Variants in DNAH11 observed in about 807,000 individuals in gnomAD.
The protein encoded by DNAH11 is axonemal beta dynein heavy chain 11.
Under a neutral mutation model 526.0 loss-of-function variants are expected in DNAH11, and 442 were observed. The observed-to-expected ratio is 0.84, with a 90% CI of 0.78 to 0.91. DNAH11 has a LOEUF of 0.91. Among genes scored for constraint, DNAH11 ranks in the 40% least tolerant of loss-of-function variants. The pLI, the probability that DNAH11 is intolerant of heterozygous loss-of-function variation, is 0.00. For missense variants in DNAH11, 6,989 were observed against 5,448.7 expected, an observed-to-expected ratio of 1.28 and a Z score of -8.90; for synonymous variants, 2,461 against 1,935.9, an observed-to-expected ratio of 1.27 and a Z score of -7.12.
chr7:21,733,287 C>T (rs1032437232), intron 45 of DNAH11, among the ~76,000 whole-genome samples: 2 of 152,158 alleles, frequency 1.3e-5, no homozygotes, highest in Non-Finnish European at 2.9e-5. Context: ...ACTTGGGAGG[C>T]TGAAGCAGGA....
At chr7:21,594,319 T>G (rs1316373412) in intron 14 of DNAH11, among the ~76,000 whole-genome samples, 2 of 152,206 alleles carry the variant, frequency 1.3e-5, no homozygotes, top group Non-Finnish European at 2.9e-5. Flanking sequence ...CAGTCCATCA[T>G]CATTCACTTA....
chr7:21,546,774 T>C (rs80074087), intron 2 of DNAH11, among the ~76,000 whole-genome samples: 7,743 of 152,232 alleles, frequency 0.051, 652 homozygotes, highest in African/African-American at 0.18. Context: ...GAAAATGTCA[T>C]TTGGTTCTTC....
chr7:21,561,050 TC>T lies in DNAH11; in HGVS notation c.883-20del. 7.2e-6 allele frequency: 11 copies of T among 1,517,282 alleles called. No individual in the cohort carries two copies. The highest frequency in any genetic ancestry group is 9.0e-6 in the Non-Finnish European group (10 of 1,114,518). 94.0% of individuals were successfully genotyped at this position (1,517,282 alleles called of 1,614,324 possible). A position where few individuals can be genotyped will look rare whatever the true frequency, so the allele number is the denominator to read the frequency against. ...TCGAGTTTATATTTATTAAAGTTCT[TC>T]TTTTTTTCCTTTAACTTAGCTTCAG... On this transcript the variant is annotated intron_variant, in intron 4 of 81. Coordinates refer to ENST00000409508, the MANE Select transcript of DNAH11 (RefSeq NM_001277115.2).
intron 52 of DNAH11, among the ~76,000 whole-genome samples, chr7:21,749,357 T>A (rs572289022): frequency 5.6e-4 from 85 of 152,354 alleles, no homozygotes; most frequent in Middle Eastern, 3.4e-3. Context: ...AGGCTTCTTT[T>A]TACGGCCCTG....
intron 69 of DNAH11, among the ~76,000 whole-genome samples, chr7:21,862,410 C>T (rs1010161384): frequency 6.6e-6 from 1 of 151,976 alleles, no homozygotes. Context: ...GGGCTCCTTA[C>T]AAAACAGCGA....
At chr7:21,831,656 T>G (rs1304794177) in intron 65 of DNAH11, among the ~76,000 whole-genome samples, 1 of 152,132 alleles carries the variant, frequency 6.6e-6, no homozygotes, top group Non-Finnish European at 1.5e-5. Flanking sequence ...CCCAAGCAGA[T>G]ACATTTCTGC....
chr7:21,811,836 T>G (rs1334077631), intron 63 of DNAH11, among the ~76,000 whole-genome samples: 1 of 152,158 alleles, frequency 6.6e-6, no homozygotes. Context: ...ATGTAGACAA[T>G]CATAATCAAA....
chr7:21,625,108 A>G (rs1194031255), intron 25 of DNAH11, among the ~76,000 whole-genome samples: 2 of 151,990 alleles, frequency 1.3e-5, no homozygotes, highest in Non-Finnish European at 2.9e-5. Flanking sequence ...GAGAAGGGTT[A>G]GTATTAGTTC....
chr7:21,655,734 C>G lies in DNAH11; in HGVS notation c.4945-98C>G, dbSNP rs913982208. ...AAAACATTTTGAGACAACTCTAACTCCATAACGTTTCATGACTTCATATGG... is the reference window on the plus strand; with the variant it reads ...AAAACATTTTGAGACAACTCTAACTGCATAACGTTTCATGACTTCATATGG... On this transcript the variant is annotated intron_variant, in intron 28 of 81. Coordinates refer to ENST00000409508, the MANE Select transcript of DNAH11 (RefSeq NM_001277115.2). The G allele has an allele frequency of 4.8e-6, 6 of 1,238,874 alleles. No homozygotes were observed. The African/African-American group carries it at 9.1e-5, about 19-fold the overall frequency. The allele number at this position is 1,238,874 out of a possible 1,614,324, so 76.7% of individuals were successfully genotyped here.
rs751779702 is a variant in DNAH11, at chr7:21,698,152, G to T, written c.6119G>T (p.Arg2040Leu). Residue 2040 changes from arginine to leucine, a missense_variant, in exon 36 of 82, where the codon CGT becomes CTT. Physicochemically the swap from Arg to Leu is moderately radical, Grantham distance 102 (BLOSUM62 -2). Transcript: ENST00000409508. ...GTTGCTGAAGGTTTTGTGGATGCGC[G>T]TGCATTAGCCCGAAAGTTCATTACG... ...LLVAEGFVDA[R>L]ALARKFITLY... 1.9e-6 allele frequency: 3 copies of T among 1,613,612 alleles called. No homozygotes were observed. The highest frequency in any genetic ancestry group is 8.5e-7 in the Non-Finnish European group (1 of 1,179,710).
At chr7:21,834,805 A>G (rs1376166211) in intron 65 of DNAH11, among the ~76,000 whole-genome samples, 1 of 152,146 alleles carries the variant, frequency 6.6e-6, no homozygotes, top group African/African-American at 2.4e-5. Flanking sequence ...TGATCACACC[A>G]CTGCATACCA....
intron 74 of DNAH11, among the ~76,000 whole-genome samples, chr7:21,876,898 A>G (rs1783735374): frequency 6.6e-6 from 1 of 152,212 alleles, no homozygotes; most frequent in Non-Finnish European, 1.5e-5. Context: ...GGAAAAGTGA[A>G]TTTATCTTAA....
At chr7:21,733,690 G>C (rs918003324) in intron 45 of DNAH11, among the ~76,000 whole-genome samples, 5 of 152,266 alleles carry the variant, frequency 3.3e-5, no homozygotes, top group Admixed American at 3.3e-4. Flanking sequence ...TTAATTAACA[G>C]CATCTTAATA....
intron 66 of DNAH11, among the ~76,000 whole-genome samples, chr7:21,848,173 A>AAAAAAAAAAG (rs1554288202): frequency 5.9e-5 from 9 of 151,266 alleles, no homozygotes; most frequent in African/African-American, 2.2e-4. Flanking sequence ...TTTCAAAAAA[A>AAAAAAAAAAG]AAAAAAAAAA....
At chr7:21,859,270 T>C (rs937984556) in intron 68 of DNAH11, among the ~76,000 whole-genome samples, 2 of 152,090 alleles carry the variant, frequency 1.3e-5, no homozygotes, top group African/African-American at 4.8e-5. Flanking sequence ...CCCACCACCA[T>C]GCCTGGCTAA....
At chr7:21,603,666 G>A (rs1188139710) in intron 18 of DNAH11, among the ~76,000 whole-genome samples, 2 of 152,154 alleles carry the variant, frequency 1.3e-5, no homozygotes, top group Admixed American at 6.6e-5. Flanking sequence ...TAGACATGGA[G>A]CAAGATGACA....
rs2128038586 is a variant in DNAH11 at position 21,873,195 on chromosome 7, A to G, written c.11968-79A>G. On this transcript the variant is annotated intron_variant, in intron 73 of 81. Transcript: ENST00000409508. ...GGTTCTCTGAGTTTTCAGTGCAATT[A>G]TATATAGGAAAATGTAATCTTATAA... is the stretch of plus-strand genomic sequence containing the variant. 3 of 1,226,610 alleles carry G rather than the reference A, an allele frequency of 2.4e-6. No individual in the cohort carries two copies. The South Asian group carries it at 4.2e-5, about 17-fold the overall frequency. 76.0% of individuals were successfully genotyped at this position (1,226,610 alleles called of 1,614,324 possible).
intron 2 of DNAH11, among the ~76,000 whole-genome samples, chr7:21,558,427 C>T (rs1227517928): frequency 6.6e-6 from 1 of 152,204 alleles, no homozygotes; most frequent in Non-Finnish European, 1.5e-5. Context: ...TAATTTACTT[C>T]TAGCTTCCAT....
At chr7:21,560,687 A>T (rs927387576) in intron 4 of DNAH11, among the ~76,000 whole-genome samples, 7 of 152,172 alleles carry the variant, frequency 4.6e-5, no homozygotes, top group Admixed American at 4.6e-4. Flanking sequence ...AGCTGATTAG[A>T]TGGTGCCCAC....
Sources: allele counts gnomAD v4.1 joint callset (sites outside exome capture counted in the v4.1 genomes callset), GRCh38; gene constraint gnomAD v4.1.1; transcripts MANE v1.5; gene names NCBI Gene and HGNC (gene_info 2026-07-23, HGNC 2026-07-21).